The following GSTCD variants were observed in gnomAD, a reference collection of about 807,000 sequenced individuals.
The protein encoded by GSTCD is glutathione S-transferase C-terminal domain-containing protein.
GSTCD carries 44 observed loss-of-function variants against 68.3 expected under a neutral mutation model. That is an observed-to-expected ratio of 0.64 (90% CI 0.51 to 0.83). GSTCD has a LOEUF of 0.83. GSTCD is among the 40% of genes least tolerant of loss of function. The pLI is 0.00. For missense variants in GSTCD, 739 were observed against 735.9 expected (o/e 1.00, Z -0.05); for synonymous variants, 273 against 255.2 (o/e 1.07, Z -0.67).
chr4:105,711,898 C>G (rs999591724), intron 1 of GSTCD, among the ~76,000 whole-genome samples: 2 of 152,188 alleles, frequency 1.3e-5, no homozygotes, highest in African/African-American at 4.8e-5. Context: ...TCTGTGCTTG[C>G]TTTATTTATG....
At chr4:105,756,580 G>GTATATATATA (rs3055930) in intron 5 of GSTCD, among the ~76,000 whole-genome samples, 1 of 142,438 alleles carries the variant, frequency 7.0e-6, no homozygotes, top group African/African-American at 2.6e-5. Context: ...GTGTGTGTGT[G>GTATATATATA]TATATATATA....
At chr4:105,735,811 G>A (rs111467970) in intron 5 of GSTCD, among the ~76,000 whole-genome samples, 1,700 of 151,670 alleles carry the variant, frequency 0.011, 15 homozygotes, top group Non-Finnish European at 0.019. Flanking sequence ...GTTCCTATTC[G>A]GCCATCTTGG....
intron 5 of GSTCD, among the ~76,000 whole-genome samples, chr4:105,775,884 G>A (rs1452874575): frequency 1.3e-5 from 2 of 152,198 alleles, no homozygotes; most frequent in African/African-American, 4.8e-5. Flanking sequence ...GCTGTGCTGG[G>A]AGATATGCTC....
chr4:105,806,803 T>C (rs2149264633), intron 5 of GSTCD, among the ~76,000 whole-genome samples: 1 of 152,172 alleles, frequency 6.6e-6, no homozygotes, highest in South Asian at 2.1e-4. Flanking sequence ...CACCAACATA[T>C]CTGTTTCTAT....
In GSTCD at chr4:105,726,586, T is replaced by G; in HGVS notation, c.902T>G (p.Ile301Ser). The part of the protein sequence containing the change: ...LPCIHHFLVI[I>S]SRKFSEKLVE... ...TATTATTTTCCTACCTAGGTAATTA[T>G]CAGCAGGAAATTTTCTGAGAAGCTG... is the stretch of plus-strand genomic sequence containing the variant. Residue 301 changes from isoleucine to serine, a missense_variant, in exon 4 of 12, where the codon ATC (isoleucine) becomes AGC (serine). Ile to Ser is a moderately radical substitution (Grantham distance 142, BLOSUM62 -2). Coordinates refer to ENST00000515279, the MANE Select transcript of GSTCD (RefSeq NM_001370181.1). The G allele has an allele frequency of 6.3e-7, 1 of 1,581,148 alleles. No individual in the cohort carries two copies. The highest frequency in any genetic ancestry group is 8.6e-7 in the Non-Finnish European group (1 of 1,160,838).
chr4:105,725,866 TCAAA>T (rs1188531154), intron 3 of GSTCD, among the ~76,000 whole-genome samples: 2 of 151,970 alleles, frequency 1.3e-5, no homozygotes, highest in Non-Finnish European at 2.9e-5. Flanking sequence ...ATGACTAAAA[TCAAA>T]CAGACTGATA....
intron 5 of GSTCD, among the ~76,000 whole-genome samples, chr4:105,756,495 TACACAC>T (rs3055931): frequency 0.011 from 1,596 of 139,408 alleles, 18 homozygotes; most frequent in Admixed American, 0.032. Context: ...CCTATGCACA[TACACAC>T]ACACACACAC....
intron 9 of GSTCD, among the ~76,000 whole-genome samples, chr4:105,834,872 C>T (rs753517572): frequency 8.5e-5 from 13 of 152,068 alleles, no homozygotes; most frequent in Admixed American, 3.3e-4. Flanking sequence ...TCTGTATTTC[C>T]GAATAAATTT....
intron 5 of GSTCD, among the ~76,000 whole-genome samples, chr4:105,733,823 A>G (rs1733347102): frequency 6.6e-6 from 1 of 152,182 alleles, no homozygotes; most frequent in African/African-American, 2.4e-5. Flanking sequence ...AGTGGCTGGT[A>G]GCGGTTTTTC....
intron 5 of GSTCD, among the ~76,000 whole-genome samples, chr4:105,804,947 C>A (rs1259724525): frequency 6.6e-6 from 1 of 152,068 alleles, no homozygotes; most frequent in Non-Finnish European, 1.5e-5. Context: ...GCAGTTCCAT[C>A]CATGTCCCTG....
chr4:105,800,671 G>A (rs1397833104), intron 5 of GSTCD, among the ~76,000 whole-genome samples: 1 of 152,178 alleles, frequency 6.6e-6, no homozygotes, highest in Non-Finnish European at 1.5e-5. Flanking sequence ...CAAAATTGAT[G>A]TCAATTGCTA....
intron 1 of GSTCD, among the ~76,000 whole-genome samples, chr4:105,710,009 CACT>C (rs1409842016): frequency 1.3e-5 from 2 of 151,448 alleles, no homozygotes; most frequent in Non-Finnish European, 1.5e-5. Flanking sequence ...GAGCATACAC[CACT>C]GAGAGGATTG....
At chr4:105,832,478 G>A (rs1366632522) in intron 8 of GSTCD, among the ~76,000 whole-genome samples, 1 of 152,168 alleles carries the variant, frequency 6.6e-6, no homozygotes, top group East Asian at 1.9e-4. Context: ...GTAGTGTAAG[G>A]AATGTGAACC....
At chr4:105,743,914 C>T (rs1427492621) in intron 5 of GSTCD, among the ~76,000 whole-genome samples, 2 of 152,076 alleles carry the variant, frequency 1.3e-5, no homozygotes, top group Non-Finnish European at 2.9e-5. Flanking sequence ...CCGCCTTGGC[C>T]TCCCAAAGTG....
chr4:105,746,088 G>C (rs1418272066), intron 5 of GSTCD, among the ~76,000 whole-genome samples: 1 of 152,074 alleles, frequency 6.6e-6, no homozygotes, highest in East Asian at 1.9e-4. Flanking sequence ...TCCCCATGCA[G>C]TTGAAAATCT....
chr4:105,719,447 C>A lies in GSTCD; in HGVS notation c.814C>A (p.Pro272Thr). The A allele has an allele frequency of 6.2e-7, 1 of 1,614,072 alleles. No individual in the cohort carries two copies. The highest frequency in any genetic ancestry group is 8.5e-7 in the Non-Finnish European group (1 of 1,179,970). Reference sequence around the variant, plus strand: ...AAAAGCAAAAGCCTCCGACCTTCCACCTCTGGAGCATGTGTTTGCAGAAGG... The same window carrying A: ...AAAAGCAAAAGCCTCCGACCTTCCAACTCTGGAGCATGTGTTTGCAGAAGG... ...IRKAKASDLP[P>T]LEHVFAEGLY... Residue 272 changes from proline (P) to threonine (T), a missense_variant, in exon 3 of 12, where the codon CCT becomes ACT. Coordinates refer to ENST00000515279, the MANE Select transcript of GSTCD (RefSeq NM_001370181.1).
At chr4:105,839,810 C>A (rs1724266070) in intron 10 of GSTCD, among the ~76,000 whole-genome samples, 1 of 152,106 alleles carries the variant, frequency 6.6e-6, no homozygotes, top group Non-Finnish European at 1.5e-5. Context: ...TGGAAAAAAT[C>A]AAGGGTGGTG....
At chr4:105,796,259 G>A (rs901860341) in intron 5 of GSTCD, among the ~76,000 whole-genome samples, 8 of 152,142 alleles carry the variant, frequency 5.3e-5, no homozygotes, top group African/African-American at 1.9e-4. Flanking sequence ...ATCAGATCTC[G>A]TGAGATTTAT....
At chr4:105,711,227 T>A (rs1732525394) in intron 1 of GSTCD, among the ~76,000 whole-genome samples, 1 of 152,046 alleles carries the variant, frequency 6.6e-6, no homozygotes, top group Non-Finnish European at 1.5e-5. Flanking sequence ...GGAGAGAATT[T>A]AGGCAGGTTT....
Sources: gnomAD v4.1 joint callset for allele counts (sites outside exome capture counted in the v4.1 genomes callset) on GRCh38, gnomAD v4.1.1 for gene constraint, MANE v1.5 for transcripts, NCBI Gene and HGNC (gene_info 2026-07-23, HGNC 2026-07-21) for gene names.